Variants in CCSER1 observed in about 807,000 individuals in gnomAD.
CCSER1 encodes serine-rich coiled-coil domain-containing protein 1.
In CCSER1, 41 loss-of-function variants were observed where a neutral mutation model predicts 82.0. The observed-to-expected ratio is 0.50, with a 90% CI of 0.39 to 0.65. The LOEUF (loss-of-function observed/expected upper bound fraction) is 0.65, where lower values mean the gene tolerates loss of function less well. CCSER1 is among the 30% of genes least tolerant of loss of function. The pLI is 0.00. For missense variants in CCSER1, 1,119 were observed against 1,064.2 expected (o/e 1.05, Z -0.72); for synonymous variants, 414 against 383.9 (o/e 1.08, Z -0.92).
At chr4:90,222,042 T>G (rs1742250324) in intron 1 of CCSER1, among the ~76,000 whole-genome samples, 1 of 152,138 alleles carries the variant, frequency 6.6e-6, no homozygotes, top group African/African-American at 2.4e-5. Flanking sequence ...CATCAAATTA[T>G]CAAAGAGTAA....
At chr4:90,536,086 G>A (rs1775320576) in intron 5 of CCSER1, among the ~76,000 whole-genome samples, 1 of 137,990 alleles carries the variant, frequency 7.2e-6, no homozygotes, top group Non-Finnish European at 1.5e-5. Flanking sequence ...AGGCTGGAGT[G>A]CAGTGGTGAG....
In CCSER1 at chr4:90,869,084, T is replaced by C. The variant is rs148543712; in HGVS notation, c.2094+53239T>C. On this transcript the variant is annotated intron_variant, in intron 8 of 10. Transcript: ENST00000509176. Reference sequence around the variant, plus strand: ...TTTTTCCTATAGAGTAGTTTAAGCTTCTTATATATTCTAGTTATTAATCCC... The same window carrying C: ...TTTTTCCTATAGAGTAGTTTAAGCTCCTTATATATTCTAGTTATTAATCCC... 4.9e-4 allele frequency among the ~76,000 whole-genome samples: 75 copies of C among 152,090 alleles called. 1 individual carries two copies. The East Asian group carries it at 0.012, about 25-fold the overall frequency.
At chr4:91,252,394 G>GA (rs1740323132) in intron 10 of CCSER1, among the ~76,000 whole-genome samples, 1 of 151,946 alleles carries the variant, frequency 6.6e-6, no homozygotes, top group African/African-American at 2.4e-5. Context: ...TAAGATGTGT[G>GA]AAAAAATAAA....
At chr4:91,355,906 G>C (rs1748797423) in intron 10 of CCSER1, among the ~76,000 whole-genome samples, 1 of 152,234 alleles carries the variant, frequency 6.6e-6, no homozygotes, top group Admixed American at 6.5e-5. Context: ...CAGGAGTAAG[G>C]TGGTGGGGTT....
rs535202885 is a variant in CCSER1 at position 91,127,064 on chromosome 4, A to G, written c.2217+41070A>G. On this transcript the variant is annotated intron_variant, in intron 10 of 10. Transcript: ENST00000509176. ...TGTATTTGACTCAGTCCCTGTTTCT[A>G]TCATCATCCCTGGACAGCAACAAAC... Among the ~76,000 whole-genome samples the G allele has an allele frequency of 1.4e-4, 22 of 152,130 alleles. 1 individual carries two copies. In the South Asian group the frequency reaches 3.9e-3, roughly 27 times the overall value.
At chr4:90,800,433 C>T (rs1756650714) in intron 7 of CCSER1, among the ~76,000 whole-genome samples, 1 of 151,896 alleles carries the variant, frequency 6.6e-6, no homozygotes, top group Non-Finnish European at 1.5e-5. Flanking sequence ...GTGTAGTTTA[C>T]ATTGTGGGAG....
intron 7 of CCSER1, among the ~76,000 whole-genome samples, chr4:90,779,411 T>TA (rs1025275997): frequency 0.011 from 1,707 of 149,506 alleles, 19 homozygotes; most frequent in Non-Finnish European, 0.017. Context: ...CATCATACTT[T>TA]AAAAAAAAAA....
chr4:91,456,001 G>C (rs930772610), intron 10 of CCSER1, among the ~76,000 whole-genome samples: 3 of 152,050 alleles, frequency 2.0e-5, no homozygotes, highest in African/African-American at 7.2e-5. Flanking sequence ...AAGATAATGA[G>C]AATCTGAATC....
chr4:91,173,527 G>A (rs1380502251), intron 10 of CCSER1, among the ~76,000 whole-genome samples: 3 of 151,446 alleles, frequency 2.0e-5, no homozygotes, highest in Non-Finnish European at 4.4e-5. Flanking sequence ...CCGGGAGGTG[G>A]AGGTTGAAGT....
At chr4:90,410,302 C>G (rs1056542464) in intron 4 of CCSER1, among the ~76,000 whole-genome samples, 1 of 152,196 alleles carries the variant, frequency 6.6e-6, no homozygotes, top group Middle Eastern at 3.2e-3. Context: ...CTGCAGAACT[C>G]TCCACCCCAA....
chr4:91,437,332 G>A (rs1431544818), intron 10 of CCSER1, among the ~76,000 whole-genome samples: 1 of 152,140 alleles, frequency 6.6e-6, no homozygotes, highest in Non-Finnish European at 1.5e-5. Flanking sequence ...GTTGTGGGAG[G>A]AAAACATGTA....
chr4:91,098,659 A>G (rs1049266882), intron 10 of CCSER1, among the ~76,000 whole-genome samples: 2 of 151,598 alleles, frequency 1.3e-5, no homozygotes, highest in East Asian at 3.9e-4. Flanking sequence ...CTCCTGCCTC[A>G]GCCTTCTGAG....
intron 10 of CCSER1, among the ~76,000 whole-genome samples, chr4:91,488,755 C>G (rs1758354001): frequency 1.3e-5 from 2 of 152,184 alleles, no homozygotes; most frequent in Non-Finnish European, 2.9e-5. Flanking sequence ...TCAATTAAAC[C>G]TCTTTTCTTT....
chr4:91,324,762 CA>C (rs1466214647), intron 10 of CCSER1, among the ~76,000 whole-genome samples: 2 of 152,084 alleles, frequency 1.3e-5, no homozygotes, highest in African/African-American at 4.8e-5. Flanking sequence ...TTACTGAAAT[CA>C]GCAAGGTGCC....
At chr4:91,554,754 C>A (rs928783598) in intron 10 of CCSER1, among the ~76,000 whole-genome samples, 1 of 151,082 alleles carries the variant, frequency 6.6e-6, no homozygotes, top group Admixed American at 6.6e-5. Context: ...AGCAAAGCTG[C>A]AAAGACATCA....
chr4:90,915,467 C>T (rs1287882861), intron 8 of CCSER1, among the ~76,000 whole-genome samples: 2 of 152,186 alleles, frequency 1.3e-5, no homozygotes, highest in African/African-American at 2.4e-5. Flanking sequence ...TTCAACAACA[C>T]TTCATGCTAA....
At chr4:90,491,371 A>G (rs1398883927) in intron 5 of CCSER1, among the ~76,000 whole-genome samples, 1 of 152,204 alleles carries the variant, frequency 6.6e-6, no homozygotes, top group Non-Finnish European at 1.5e-5. Flanking sequence ...TTGATTTTAT[A>G]TCCTGAGACT....
At chr4:91,574,656 A>T (rs1250812847) in intron 10 of CCSER1, among the ~76,000 whole-genome samples, 1 of 152,116 alleles carries the variant, frequency 6.6e-6, no homozygotes, top group Non-Finnish European at 1.5e-5. Context: ...AAAACTAAAT[A>T]CCTCATGTTC....
intron 10 of CCSER1, among the ~76,000 whole-genome samples, chr4:91,553,459 T>C (rs1211864240): frequency 6.6e-6 from 1 of 151,466 alleles, no homozygotes; most frequent in Non-Finnish European, 1.5e-5. Context: ...TTAAGAAAGA[T>C]AGATATTAAT....
Sources: allele counts gnomAD v4.1 joint callset (sites outside exome capture counted in the v4.1 genomes callset), GRCh38; gene constraint gnomAD v4.1.1; transcripts MANE v1.5; gene names NCBI Gene and HGNC (gene_info 2026-07-23, HGNC 2026-07-21).